FN1: variants seen among roughly 807,000 people sequenced by gnomAD.
FN1 encodes fibronectin.
A neutral mutation model predicts 297.3 loss-of-function variants in FN1; 106 were observed. The observed-to-expected ratio is 0.36, with a 90% CI of 0.30 to 0.42. FN1 has a LOEUF of 0.42. Among genes scored for constraint, FN1 ranks in the 10% least tolerant of loss-of-function variants. The pLI, the probability that FN1 is intolerant of heterozygous loss-of-function variation, is 1.00. For synonymous variants in FN1, 1,149 were observed against 1,152.6 expected, an observed-to-expected ratio of 1.00 and a Z score of 0.06; for missense variants, 2,690 against 3,124.9, an observed-to-expected ratio of 0.86 and a Z score of 3.32.
At chr2:215,382,376 G>A (rs1459450177) in intron 31 of FN1, 51 bp from the exon 32 acceptor site, 6 of 1,175,010 alleles carry the variant, frequency 5.1e-6, no homozygotes, top group African/African-American at 1.5e-5. Context: ...CCACTATAAA[G>A]TCCTCAAGTG....
chr2:215,415,626 AAATT>A (rs2063328146), intron 12 of FN1, among the ~76,000 whole-genome samples: 1 of 152,168 alleles, frequency 6.6e-6, no homozygotes, highest in Non-Finnish European at 1.5e-5. Context: ...TTAAGTGATT[AAATT>A]TATTTTTTTT....
intron 20 of FN1, among the ~76,000 whole-genome samples, chr2:215,401,255 A>AAGGAAGGAAGGAAGGAAGG (rs1559476059): frequency 1.7e-5 from 1 of 58,298 alleles, no homozygotes; most frequent in African/African-American, 6.4e-5. Flanking sequence ...AGAAAGGAAG[A>AAGGAAGGAAGGAAGGAAGG]AAGAAAGGAA....
intron 17 of FN1, 74 bp from the exon 18 acceptor site, chr2:215,407,395 C>T: frequency 8.1e-7 from 1 of 1,235,860 alleles, no homozygotes; most frequent in Non-Finnish European, 1.2e-6. Context: ...ATAAATCCTC[C>T]CTTTTCTAAT....
chr2:215,404,918 C>T (rs931788461), intron 19 of FN1, among the ~76,000 whole-genome samples: 5 of 152,124 alleles, frequency 3.3e-5, no homozygotes, highest in Non-Finnish European at 7.3e-5. Flanking sequence ...AAGACTTTCG[C>T]ATCAGTCTCA....
chr2:215,383,574 G>A (rs1575405039), intron 30 of FN1, 91 bp from the exon 31 acceptor site: 5 of 1,336,306 alleles, frequency 3.7e-6, no homozygotes, highest in South Asian at 1.2e-5. Flanking sequence ...GTACATATTC[G>A]AATGATCGCT....
In FN1 at chr2:215,425,158, C is replaced by T; in HGVS notation, c.972G>A (p.Lys324=). The T allele has an allele frequency of 6.2e-7, 1 of 1,614,206 alleles. No homozygotes were observed. The highest frequency in any genetic ancestry group is 8.5e-7 in the Non-Finnish European group (1 of 1,180,044). The part of the protein sequence containing the change: ...VVYSVGMQWL[K]TQGNKQMLCT... ...AAAGCATTTGCTTATTTCCTTGTGT[C>T]TTCAGCCACTGCATCCCCACAGAGT... The change falls in exon 7 of 46, where the codon AAG becomes AAA. Residue 324 remains lysine (K), a synonymous_variant. Coordinates refer to ENST00000354785, the MANE Select transcript of FN1 (RefSeq NM_212482.4).
intron 15 of FN1, 85 bp downstream of exon 15, chr2:215,409,478 C>T: frequency 7.7e-7 from 1 of 1,295,042 alleles, no homozygotes; most frequent in South Asian, 1.2e-5. Flanking sequence ...CCACAGATAC[C>T]ACCTGCCTAG....
chr2:215,412,728 ATATTTGTAATTTAAAG>A (rs1436329781), intron 13 of FN1, among the ~76,000 whole-genome samples: 1 of 113,442 alleles, frequency 8.8e-6, no homozygotes, highest in Non-Finnish European at 2.0e-5. Flanking sequence ...TCTTGTGTTT[ATATTTGTAATTTAAAG>A]TATTATATTA....
chr2:215,418,091 A>G (rs1056946026), intron 12 of FN1, among the ~76,000 whole-genome samples: 1 of 152,216 alleles, frequency 6.6e-6, no homozygotes, highest in Admixed American at 6.5e-5. Flanking sequence ...AAATTAAGTG[A>G]TTCCTACACC....
Position 215,361,494 on chromosome 2 carries a change from C to T in FN1, c.*61G>A. ...CTCTAAGCTGGGTCTGCTAACATCA[C>T]TCCAGTTTAGATGGATCTTGGCAGA... On this transcript the variant is annotated 3_prime_UTR_variant, in exon 46 of 46. Transcript: ENST00000354785. 8.4e-7 allele frequency: 1 copy of T among 1,192,312 alleles called. No individual in the cohort carries two copies. The highest frequency in any genetic ancestry group is 1.3e-6 in the Non-Finnish European group (1 of 794,272). 73.9% of individuals were successfully genotyped at this position (1,192,312 alleles called of 1,614,324 possible). A position where few individuals can be genotyped will look rare whatever the true frequency, so the allele number is the denominator to read the frequency against.
chr2:215,434,090 G>T (rs1218928728), intron 2 of FN1, among the ~76,000 whole-genome samples: 1 of 152,182 alleles, frequency 6.6e-6, no homozygotes, highest in African/African-American at 2.4e-5. Context: ...GACAGAGCAA[G>T]ACTCTGTCTC....
chr2:215,409,213 A>G (rs2106294039), intron 15 of FN1, among the ~76,000 whole-genome samples: 2 of 152,292 alleles, frequency 1.3e-5, no homozygotes, highest in South Asian at 2.1e-4. Context: ...CCTCACCATA[A>G]CAATTTGAAA....
Position 215,361,595 on chromosome 2 carries a change from G to A in FN1, c.7394C>T (p.Pro2465Leu). 1 of 1,612,596 alleles carries A rather than the reference G, an allele frequency of 6.2e-7. No homozygotes were observed. The highest frequency in any genetic ancestry group is 8.5e-7 in the Non-Finnish European group (1 of 1,178,720). ...TTCTCTGTCAGCCTGTACATCTAAA[G>A]GCATGAAGCACTCAATTGGGCAATT... ...NVNCPIECFM[P>L]LDVQADREDS... Residue 2465 changes from proline to leucine, a missense_variant, in exon 46 of 46, where the codon CCT becomes CTT. Pro to Leu is a moderately conservative substitution (Grantham distance 98). This residue lies in a region of FN1 where 1,743 missense variants were observed against 1,945.2 expected (regional missense o/e 0.90). Transcript: ENST00000354785.
At position 215,423,211 on chromosome 2, in the gene FN1, C is replaced by CACACACACACAA. The variant is rs56956459; in HGVS notation, c.1393+138_1393+139insTTGTGTGTGTGT. 2.5e-5 allele frequency: 19 copies of CACACACACACAA among 765,476 alleles called. No individual in the cohort carries two copies. In the African/African-American group the frequency reaches 2.8e-4, roughly 11 times the overall value. 47.4% of individuals were successfully genotyped at this position (765,476 alleles called of 1,614,324 possible). A position where few individuals can be genotyped will look rare whatever the true frequency, so the allele number is the denominator to read the frequency against. Reference sequence around the variant, plus strand: ...ACACACACACACACACACACACACACAAACACACTTCACATGAAGTTTTCT... The same window carrying CACACACACACAA: ...ACACACACACACACACACACACACACACACACACACAAAAACACACTTCACATGAAGTTTTCT... On this transcript the variant is annotated intron_variant, in intron 9 of 45. Coordinates refer to ENST00000354785, the MANE Select transcript of FN1 (RefSeq NM_212482.4).
rs201347712 is a variant in FN1 at position 215,361,638 on chromosome 2, G to A, written c.7363-12C>T. 2.2e-5 allele frequency: 35 copies of A among 1,603,038 alleles called. No individual in the cohort carries two copies. The highest frequency in any genetic ancestry group is 2.9e-5 in the Non-Finnish European group (34 of 1,170,622). The stretch of plus-strand genomic sequence containing the variant: ...GGGCAATTAACATTCTGTTAAAAAG[G>A]AAGAAGGAAAAAAAAATTAGTGGCA... On this transcript the variant is annotated splice_polypyrimidine_tract_variant and intron_variant, in intron 45 of 45. Coordinates refer to ENST00000354785, the MANE Select transcript of FN1 (RefSeq NM_212482.4).
At chr2:215,410,677 T>A (rs1232150777) in intron 13 of FN1, among the ~76,000 whole-genome samples, 1 of 152,074 alleles carries the variant, frequency 6.6e-6, no homozygotes, top group Admixed American at 6.6e-5. Flanking sequence ...CTGGCTAATT[T>A]TATATTTTTA....
intron 20 of FN1, among the ~76,000 whole-genome samples, chr2:215,400,751 CA>C (rs1175226865): frequency 0.27 from 14,977 of 55,374 alleles, 124 homozygotes; most frequent in South Asian, 0.37. Flanking sequence ...GGCTCCATCT[CA>C]AAAAAAAAAA....
At chr2:215,378,597 A>G (rs1159069120) in intron 34 of FN1, among the ~76,000 whole-genome samples, 1 of 152,126 alleles carries the variant, frequency 6.6e-6, no homozygotes, top group Non-Finnish European at 1.5e-5. Flanking sequence ...TCCTTATCAT[A>G]GAGAGGCAAA....
chr2:215,428,207 G>A lies in FN1; in HGVS notation c.817C>T (p.His273Tyr), dbSNP rs1176901518. 3 of 1,614,164 alleles carry A rather than the reference G, an allele frequency of 1.9e-6. No homozygotes were observed. Among genetic ancestry groups the A allele is most frequent in the Non-Finnish European group, 2.5e-6 (3 of 1,180,046 alleles). ...NGRGEWKCER[H>Y]TSVQTTSSGS... Reference sequence around the variant, plus strand: ...CTCGATGTGGTCTGCACAGAGGTGTGCCTCTCACACTTCCACTCTCCTCGG... The same window carrying A: ...CTCGATGTGGTCTGCACAGAGGTGTACCTCTCACACTTCCACTCTCCTCGG... The change falls in exon 6 of 46, where the codon CAC becomes TAC. Residue 273 changes from histidine to tyrosine, a missense_variant. This residue lies in a region of FN1 where 876 missense variants were observed against 1,058.1 expected (regional missense o/e 0.83). Coordinates refer to ENST00000354785, the MANE Select transcript of FN1 (RefSeq NM_212482.4).
Sources: gnomAD v4.1 joint callset for allele counts (sites outside exome capture counted in the v4.1 genomes callset) on GRCh38, gnomAD v4.1.1 for gene constraint, gnomAD v4.1.1 regional missense constraint, MANE v1.5 for transcripts, NCBI Gene and HGNC (gene_info 2026-07-23, HGNC 2026-07-21) for gene names.